Variants in NDUFAF2 observed in about 807,000 individuals in gnomAD.
NDUFAF2 encodes NADH:ubiquinone oxidoreductase complex assembly factor 2.
In NDUFAF2, 13 loss-of-function variants were observed where a neutral mutation model predicts 22.8. The observed-to-expected ratio is 0.57, with a 90% CI of 0.37 to 0.91. The LOEUF is 0.91. NDUFAF2 is among the 40% of genes least tolerant of loss of function. The pLI, the probability that NDUFAF2 is intolerant of heterozygous loss-of-function variation, is 0.01. For synonymous variants in NDUFAF2, 53 were observed against 64.2 expected (o/e 0.83, Z 0.84); for missense variants, 162 against 195.2 (o/e 0.83, Z 1.01).
chr5:61,016,246 GAC>G (rs1274162000), intron 1 of NDUFAF2, among the ~76,000 whole-genome samples: 1 of 151,860 alleles, frequency 6.6e-6, no homozygotes, highest in African/African-American at 2.4e-5. Flanking sequence ...AAGTATTATA[GAC>G]ACATATATAT....
At chr5:61,002,612 C>G (rs965370269) in intron 1 of NDUFAF2, among the ~76,000 whole-genome samples, 1 of 152,140 alleles carries the variant, frequency 6.6e-6, no homozygotes, top group Non-Finnish European at 1.5e-5. Context: ...TGTCTGTTCT[C>G]TCACCAGGAG....
intron 1 of NDUFAF2, among the ~76,000 whole-genome samples, chr5:61,035,434 T>TG (rs976073493): frequency 6.8e-6 from 1 of 146,380 alleles, no homozygotes; most frequent in African/African-American, 2.6e-5. Context: ...GTTTTTTTTT[T>TG]TTTTTTTTTT....
chr5:60,963,783 G>T (rs1750720314), intron 1 of NDUFAF2, among the ~76,000 whole-genome samples: 1 of 152,192 alleles, frequency 6.6e-6, no homozygotes, highest in Non-Finnish European at 1.5e-5. Flanking sequence ...AGAAAAACTA[G>T]GTTAGAGTTG....
chr5:61,015,060 T>C (rs1411160410), intron 1 of NDUFAF2, among the ~76,000 whole-genome samples: 4 of 152,196 alleles, frequency 2.6e-5, no homozygotes, highest in Non-Finnish European at 5.9e-5. Flanking sequence ...TGAGACTAAA[T>C]TGAAGTCAAA....
chr5:61,126,530 T>G (rs556245213), intron 3 of NDUFAF2, among the ~76,000 whole-genome samples: 2 of 152,202 alleles, frequency 1.3e-5, no homozygotes, highest in Admixed American at 6.6e-5. Context: ...TAAGATTTTC[T>G]GTAGAATGAT....
At chr5:61,026,174 C>T (rs1051461144) in intron 1 of NDUFAF2, among the ~76,000 whole-genome samples, 7 of 151,972 alleles carry the variant, frequency 4.6e-5, no homozygotes, top group Non-Finnish European at 5.9e-5. Context: ...TGAAGATGGA[C>T]GTCTCATGAA....
intron 1 of NDUFAF2, among the ~76,000 whole-genome samples, chr5:61,030,354 G>T (rs1020991822): frequency 6.6e-6 from 1 of 152,002 alleles, no homozygotes; most frequent in Admixed American, 6.6e-5. Context: ...CTAAGTCTGG[G>T]TTACATTATA....
intron 1 of NDUFAF2, among the ~76,000 whole-genome samples, chr5:60,966,741 C>T (rs1365048280): frequency 1.3e-5 from 2 of 152,042 alleles, no homozygotes; most frequent in Non-Finnish European, 2.9e-5. Flanking sequence ...TGTTTAGCTA[C>T]TTTAGCCTTA....
chr5:60,994,353 C>T lies in NDUFAF2; in HGVS notation c.127+48971C>T, dbSNP rs186145651. ...TGGCAGGGTGTGGCTCCTGCCTGCT[C>T]CAGGAGTGGGAGGCCCGGGTCCACA... On this transcript the variant is annotated intron_variant, in intron 1 of 3. Transcript: ENST00000296597. Among the ~76,000 whole-genome samples, 286 of 152,230 alleles carry T rather than the reference C, an allele frequency of 1.9e-3. 1 individual carries two copies. The highest frequency in any genetic ancestry group is 3.3e-3 in the Non-Finnish European group (222 of 67,994).
At chr5:61,093,563 T>C (rs183949126) in intron 2 of NDUFAF2, among the ~76,000 whole-genome samples, 114 of 152,364 alleles carry the variant, frequency 7.5e-4, no homozygotes, top group African/African-American at 2.6e-3. Flanking sequence ...ATCACATTTA[T>C]TGATTTGCAT....
chr5:61,037,701 G>T (rs1751816934), intron 1 of NDUFAF2, among the ~76,000 whole-genome samples: 1 of 151,746 alleles, frequency 6.6e-6, no homozygotes, highest in African/African-American at 2.4e-5. Flanking sequence ...TCCCCTACTC[G>T]CTTTTAAAAA....
At chr5:61,097,131 A>G (rs774617480) in intron 2 of NDUFAF2, among the ~76,000 whole-genome samples, 4 of 152,298 alleles carry the variant, frequency 2.6e-5, no homozygotes, top group Non-Finnish European at 5.9e-5. Flanking sequence ...CCGCAGTTGA[A>G]TGTTGCTGTT....
chr5:60,949,211 C>G (rs1750507852), intron 1 of NDUFAF2, among the ~76,000 whole-genome samples: 1 of 152,172 alleles, frequency 6.6e-6, no homozygotes. Flanking sequence ...TAGTTACAAT[C>G]TCTCCTCATC....
chr5:60,996,691 CA>C (rs1240609674), intron 1 of NDUFAF2, among the ~76,000 whole-genome samples: 7 of 152,158 alleles, frequency 4.6e-5, no homozygotes, highest in Non-Finnish European at 1.0e-4. Flanking sequence ...GTGAGGTTTG[CA>C]AGTACTTAAG....
At chr5:61,069,861 C>T (rs1387476502) in intron 1 of NDUFAF2, among the ~76,000 whole-genome samples, 1 of 152,050 alleles carries the variant, frequency 6.6e-6, no homozygotes, top group South Asian at 2.1e-4. Flanking sequence ...CTACCATCCT[C>T]CTAAGGCAAT....
chr5:61,141,917 C>A (rs984379999), intron 3 of NDUFAF2, among the ~76,000 whole-genome samples: 2 of 152,180 alleles, frequency 1.3e-5, no homozygotes, highest in Non-Finnish European at 2.9e-5. Context: ...GCAGCTGGCA[C>A]ATAACAGCTC....
chr5:61,064,917 G>T (rs145544094), intron 1 of NDUFAF2, among the ~76,000 whole-genome samples: 1 of 151,562 alleles, frequency 6.6e-6, no homozygotes, highest in African/African-American at 2.4e-5. Flanking sequence ...AAAAAACATA[G>T]AGTCAATAAA....
intron 1 of NDUFAF2, among the ~76,000 whole-genome samples, chr5:61,007,785 A>C (rs896781723): frequency 1.3e-5 from 2 of 152,190 alleles, no homozygotes; most frequent in South Asian, 2.1e-4. Flanking sequence ...CATTTGACCC[A>C]GTCATCCCAT....
At chr5:61,051,453 C>CAGAT (rs1423260271) in intron 1 of NDUFAF2, among the ~76,000 whole-genome samples, 1 of 152,140 alleles carries the variant, frequency 6.6e-6, no homozygotes, top group Non-Finnish European at 1.5e-5. Context: ...ATATAGCATA[C>CAGAT]ATCTTGGTAT....
Sources: gnomAD v4.1 joint callset for allele counts (sites outside exome capture counted in the v4.1 genomes callset) on GRCh38, gnomAD v4.1.1 for gene constraint, MANE v1.5 for transcripts, NCBI Gene and HGNC (gene_info 2026-07-23, HGNC 2026-07-21) for gene names.